The following GTF2H2C variants were observed in gnomAD, a reference collection of about 807,000 sequenced individuals.
GTF2H2C encodes the protein GTF2H2 family member C, also known as general transcription factor IIH subunit 2-like protein.
Under a neutral mutation model 24.8 loss-of-function variants are expected in GTF2H2C, and 5 were observed. The ratio of observed to expected loss-of-function variants is 0.20; its 90% CI spans 0.11 to 0.42. GTF2H2C has a LOEUF of 0.42. GTF2H2C is among the 20% of genes least tolerant of loss of function. GTF2H2C has a pLI of 1.00. For synonymous variants in GTF2H2C, 14 were observed against 52.6 expected (o/e 0.27, Z 3.18); for missense variants, 45 against 169.8 (o/e 0.27, Z 4.08).
At position 69,560,841 on chromosome 5, in the gene GTF2H2C, T is replaced by C. The variant is rs952496938; in HGVS notation, c.-132+438T>C. 2.4e-4 allele frequency among the ~76,000 whole-genome samples: 37 copies of C among 151,920 alleles called. 1 individual carries two copies. Among genetic ancestry groups the C allele is most frequent in the Non-Finnish European group, 4.7e-4 (32 of 67,958 alleles). ...GGCGCGATCTCGGCTCACTGCAACC[T>C]CCACCTCCCGGGTTCAAGCGATTCT... is the stretch of plus-strand genomic sequence containing the variant. On this transcript the variant is annotated intron_variant, in intron 1 of 16. Transcript: ENST00000380729.
Position 69,593,950 on chromosome 5 carries a change from A to AG in GTF2H2C, c.*1752_*1753insG, listed in dbSNP as rs1428665347. Among the ~76,000 whole-genome samples the AG allele has an allele frequency of 5.7e-5, 8 of 140,474 alleles. 1 individual carries two copies. Among genetic ancestry groups the AG allele is most frequent in the African/African-American group, 2.1e-4 (8 of 38,496 alleles). The allele number at this position is 140,474 out of a possible 152,430, so 92.2% of individuals were successfully genotyped here. On this transcript the variant is annotated 3_prime_UTR_variant, in exon 17 of 17. Transcript: ENST00000380729. ...GACTCTGTCTCAAGAAAAAAAAAAA[A>AG]AAAAAAAAAAAAAAGAGTAAATCAG...
At chr5:69,563,169 G>A (rs1770490731) in intron 2 of GTF2H2C, among the ~76,000 whole-genome samples, 1 of 148,864 alleles carries the variant, frequency 6.7e-6, no homozygotes, top group Admixed American at 6.7e-5. Context: ...GTCTCCCAAA[G>A]TGCTAGAATT....
intron 1 of GTF2H2C, among the ~76,000 whole-genome samples, chr5:69,562,422 T>C (rs960028780): frequency 1.4e-4 from 21 of 151,426 alleles, no homozygotes; most frequent in African/African-American, 4.6e-4. Flanking sequence ...TCTACAAAAA[T>C]ATAAAACATG....
In GTF2H2C at chr5:69,566,121, T is replaced by C. The variant is rs1228236125; in HGVS notation, c.57-10T>C. 3.3e-5 allele frequency: 52 copies of C among 1,577,226 alleles called. 1 individual carries two copies. The East Asian group carries it at 1.1e-3, about 34-fold the overall frequency. On this transcript the variant is annotated splice_polypyrimidine_tract_variant and intron_variant, in intron 3 of 16. Transcript: ENST00000380729. Reference sequence around the variant, plus strand: ...GCTTGTCTTTTCAAACAAATAATTATGACTTATAGGGAGATTCTTAAAGAA... The same window carrying C: ...GCTTGTCTTTTCAAACAAATAATTACGACTTATAGGGAGATTCTTAAAGAA...
intron 3 of GTF2H2C, chr5:69,565,880 A>G: frequency 1.9e-6 from 1 of 536,538 alleles, no homozygotes; most frequent in East Asian, 3.4e-5. Flanking sequence ...AGACTCATCC[A>G]TGTTGCAGTG....
chr5:69,577,430 C>CT (rs780251022), intron 9 of GTF2H2C, among the ~76,000 whole-genome samples: 1 of 137,482 alleles, frequency 7.3e-6, no homozygotes, highest in African/African-American at 2.9e-5. Context: ...CTTTTTCTTT[C>CT]TTTTTTTTTT....
intron 2 of GTF2H2C, among the ~76,000 whole-genome samples, chr5:69,563,155 T>C (rs79630321): frequency 2.6e-5 from 4 of 151,088 alleles, no homozygotes; most frequent in East Asian, 3.9e-4. Context: ...GATCACCTGC[T>C]TTAGTCTCCC....
At chr5:69,564,200 C>T (rs963186557) in intron 2 of GTF2H2C, among the ~76,000 whole-genome samples, 1 of 80,374 alleles carries the variant, frequency 1.2e-5, no homozygotes, top group Admixed American at 1.3e-4. Context: ...TGATATATTA[C>T]GTACCACATT....
chr5:69,560,643 G>T (rs1425879965), intron 1 of GTF2H2C: 6 of 148,906 alleles, frequency 4.0e-5, no homozygotes, highest in East Asian at 2.0e-4. Context: ...GATGTTTGGT[G>T]CTCTCATTTG....
chr5:69,561,804 A>G (rs966641881), intron 1 of GTF2H2C, among the ~76,000 whole-genome samples: 3 of 150,602 alleles, frequency 2.0e-5, no homozygotes, highest in African/African-American at 7.3e-5. Flanking sequence ...CACCTCGCCC[A>G]GCTAATTTTT....
Position 69,560,225 on chromosome 5 carries a change from G to A in GTF2H2C, c.-310G>A, listed in dbSNP as rs77684880. 13,551 of 152,230 alleles carry A rather than the reference G, an allele frequency of 0.089. 723 individuals are homozygous for A. The highest frequency in any genetic ancestry group is 0.11 in the Non-Finnish European group (7,394 of 68,068). 9.4% of individuals were successfully genotyped at this position (152,230 alleles called of 1,614,324 possible). ...TGTCGGGCTGAGTTTCCGGCTGAGA[G>A]TCCTTCTAGCGGCGCCGGTGAGTCC... On this transcript the variant is annotated 5_prime_UTR_variant, in exon 1 of 17. Coordinates refer to ENST00000380729, the MANE Select transcript of GTF2H2C (RefSeq NM_001376000.2).
At position 69,590,329 on chromosome 5, in the gene GTF2H2C, T is replaced by C; in HGVS notation, c.1030T>C (p.Phe344Leu). Residue 344 changes from phenylalanine to leucine, a missense_variant and splice_region_variant, in exon 16 of 17, where the codon TTT (phenylalanine) becomes CTT (leucine). Physicochemically the swap from Phe to Leu is conservative, Grantham distance 22. Transcript: ENST00000380729. ...IPLEEYNGER[F>L]CYGCQGELKD... ...AACATTGTTAAACTTTTTTTTCAGA[T>C]TTTGTTATGGATGTCAGGGGGAATT... 4.7e-6 allele frequency: 1 copy of C among 212,994 alleles called. No homozygotes were observed. The highest frequency in any genetic ancestry group is 3.7e-5 in the South Asian group (1 of 27,206). 13.2% of individuals were successfully genotyped at this position (212,994 alleles called of 1,614,324 possible). A position where few individuals can be genotyped will look rare whatever the true frequency, so the allele number is the denominator to read the frequency against.
rs1770859802 is a variant in GTF2H2C at position 69,568,158 on chromosome 5, A to C, written c.315A>C (p.Gly105=). ...ATTTTTGTTTTTATTTCAAGATTGG[A>C]ATAATTGTAACTAAGAGTAAAAGAG... ...YFDQNPISQI[G]IIVTKSKRAE... Residue 105 remains glycine (G), a synonymous_variant, in exon 8 of 17, where the codon GGA becomes GGC. Coordinates refer to ENST00000380729, the MANE Select transcript of GTF2H2C (RefSeq NM_001376000.2). 2 of 447,060 alleles carry C rather than the reference A, an allele frequency of 4.5e-6. No individual in the cohort carries two copies. Among genetic ancestry groups the C allele is most frequent in the Admixed American group, 5.1e-5 (1 of 19,746 alleles). 27.7% of individuals were successfully genotyped at this position (447,060 alleles called of 1,614,324 possible).
At chr5:69,563,200 C>T (rs118025410) in intron 2 of GTF2H2C, among the ~76,000 whole-genome samples, 2,458 of 141,236 alleles carry the variant, frequency 0.017, 74 homozygotes, top group Admixed American at 0.079. Context: ...GCCATCATAC[C>T]CGGCCTGGTT....
intron 3 of GTF2H2C, chr5:69,565,672 A>G (rs914033757): frequency 9.1e-6 from 2 of 219,610 alleles, no homozygotes; most frequent in Non-Finnish European, 1.8e-5. Context: ...TAAGATATTC[A>G]GTATAGTAAC....
chr5:69,568,258 C>T (rs1770868127), intron 8 of GTF2H2C, 51 bp downstream of exon 8: 1 of 251,864 alleles, frequency 4.0e-6, no homozygotes. Flanking sequence ...TTTATTTACC[C>T]AACCTCGTAG....
Position 69,593,694 on chromosome 5 carries a change from T to C in GTF2H2C, c.*1496T>C, listed in dbSNP as rs1393244083. The C allele has an allele frequency of 1.1e-4, 2 of 18,864 alleles. No individual in the cohort carries two copies. The highest frequency in any genetic ancestry group is 1.2e-3 in the Admixed American group (2 of 1,692). 1.2% of individuals were successfully genotyped at this position (18,864 alleles called of 1,614,324 possible). A position where few individuals can be genotyped will look rare whatever the true frequency, so the allele number is the denominator to read the frequency against. The stretch of plus-strand genomic sequence containing the variant: ...GCTCACGCCTGTAATCCTAGCACTT[T>C]GGGAGGCCGAGGCGGGCAGATCACG... On this transcript the variant is annotated 3_prime_UTR_variant, in exon 17 of 17. Coordinates refer to ENST00000380729, the MANE Select transcript of GTF2H2C (RefSeq NM_001376000.2).
chr5:69,561,161 T>C (rs1445570681), intron 1 of GTF2H2C, among the ~76,000 whole-genome samples: 1 of 151,956 alleles, frequency 6.6e-6, no homozygotes, highest in Non-Finnish European at 1.5e-5. Flanking sequence ...ACAGCATGCA[T>C]GTTTACAATC....
chr5:69,561,691 A>G (rs1770363368), intron 1 of GTF2H2C, among the ~76,000 whole-genome samples: 1 of 151,648 alleles, frequency 6.6e-6, no homozygotes, highest in Admixed American at 6.6e-5. Context: ...TCACTCTGTC[A>G]CCCAGTCTGG....
Sources: gnomAD v4.1 joint callset for allele counts (sites outside exome capture counted in the v4.1 genomes callset) on GRCh38, gnomAD v4.1.1 for gene constraint, MANE v1.5 for transcripts, NCBI Gene and HGNC (gene_info 2026-07-23, HGNC 2026-07-21) for gene names.